SCLT1: variants seen among roughly 807,000 people sequenced by gnomAD.
The protein encoded by SCLT1 is sodium channel-associated protein 1.
SCLT1 carries 78 observed loss-of-function variants against 112.8 expected under a neutral mutation model. The observed-to-expected ratio is 0.69, with a 90% confidence interval of 0.58 to 0.83. The LOEUF is 0.83. SCLT1 is among the 40% of genes least tolerant of loss of function. The pLI is 0.00. For missense variants in SCLT1, 747 were observed against 770.4 expected (o/e 0.97, Z 0.36); for synonymous variants, 257 against 254.7 (o/e 1.01, Z -0.09).
chr4:129,057,050 T>C (rs1284829745), intron 2 of SCLT1, among the ~76,000 whole-genome samples: 2 of 152,210 alleles, frequency 1.3e-5, no homozygotes, highest in South Asian at 2.1e-4. Flanking sequence ...CAAGAAGATA[T>C]GTTGAATTTT....
At chr4:128,945,155 T>C (rs1738038054) in intron 16 of SCLT1, among the ~76,000 whole-genome samples, 1 of 152,180 alleles carries the variant, frequency 6.6e-6, no homozygotes, top group South Asian at 2.1e-4. Flanking sequence ...AAAATACTCA[T>C]AATGCAGAGA....
At chr4:129,082,756 A>G (rs1479975095) in intron 1 of SCLT1, among the ~76,000 whole-genome samples, 3 of 152,190 alleles carry the variant, frequency 2.0e-5, no homozygotes, top group African/African-American at 4.8e-5. Flanking sequence ...TATTTTTTAG[A>G]ATTCTTAAAA....
intron 9 of SCLT1, chr4:128,971,103 CAAT>C (rs1316487798): frequency 6.6e-6 from 1 of 151,954 alleles, no homozygotes; most frequent in African/African-American, 2.4e-5. Flanking sequence ...GATTTTAGAA[CAAT>C]AATATGACTT....
At chr4:129,035,004 T>TAATGTATCTCAAAGCCTTAAAATA (rs1394118668) in intron 5 of SCLT1, among the ~76,000 whole-genome samples, 1 of 152,180 alleles carries the variant, frequency 6.6e-6, no homozygotes, top group Non-Finnish European at 1.5e-5. Context: ...TAGTCATTTC[T>TAATGTATCTCAAAGCCTTAAAATA]GTCTATTTTA....
chr4:128,896,064 T>C (rs318514), intron 18 of SCLT1, among the ~76,000 whole-genome samples: 152,256 of 152,374 alleles, frequency 1, 76,069 homozygotes, highest in Middle Eastern at 1. Context: ...TGGAGCCCAC[T>C]GCAGCTCAAG....
chr4:128,881,108 A>T (rs1374764692), downstream of SCLT1, among the ~76,000 whole-genome samples: 2 of 152,180 alleles, frequency 1.3e-5, no homozygotes, highest in Non-Finnish European at 2.9e-5. Context: ...CATTGTCCCC[A>T]AAGCCATATA....
Position 128,992,172 on chromosome 4 carries a change from T to A in SCLT1, c.681A>T (p.Lys227Asn). The A allele has an allele frequency of 6.3e-7, 1 of 1,582,488 alleles. No individual in the cohort carries two copies. The highest frequency in any genetic ancestry group is 8.6e-7 in the Non-Finnish European group (1 of 1,157,734). The change falls in exon 9 of 21, where the codon AAA (lysine) becomes AAT (asparagine). Residue 227 changes from lysine to asparagine, a missense_variant. Coordinates refer to ENST00000281142, the MANE Select transcript of SCLT1 (RefSeq NM_144643.4). ...QSVIIEQLRK[K>N]LRQAKLELRV... The stretch of plus-strand genomic sequence containing the variant: ...AAACTCATTTTTGAAAATACCTAAG[T>A]TTTTTTCGGAGTTGTTCGATTATCA...
intron 13 of SCLT1, among the ~76,000 whole-genome samples, chr4:128,953,110 C>T (rs1033595050): frequency 6.6e-6 from 1 of 151,982 alleles, no homozygotes; most frequent in Non-Finnish European, 1.5e-5. Flanking sequence ...AGATCTTTTG[C>T]TTATAATGGG....
chr4:129,065,697 T>C (rs1245670859), intron 2 of SCLT1, among the ~76,000 whole-genome samples: 1 of 152,108 alleles, frequency 6.6e-6, no homozygotes, highest in Non-Finnish European at 1.5e-5. Flanking sequence ...ATTTATATAA[T>C]GTAATTTATT....
chr4:128,938,211 T>C (rs1218034103), intron 17 of SCLT1, among the ~76,000 whole-genome samples: 1 of 152,220 alleles, frequency 6.6e-6, no homozygotes, highest in East Asian at 1.9e-4. Flanking sequence ...GAGTAATTCA[T>C]TAAATACGGT....
chr4:129,087,779 GA>G lies in SCLT1; in HGVS notation c.34+5290del, dbSNP rs371456976. On this transcript the variant is annotated intron_variant, in intron 1 of 20. Transcript: ENST00000281142. ...TTAAAAAAAAAAAAAAAAAAAGGAA[GA>G]AAAAAAAAGAAAAGCAAAAAACCTT... Among the ~76,000 whole-genome samples the G allele has an allele frequency of 4.2e-4, 59 of 139,114 alleles. 1 individual carries two copies. Among genetic ancestry groups the G allele is most frequent in the African/African-American group, 1.0e-3 (39 of 38,016 alleles). 91.3% of individuals were successfully genotyped at this position (139,114 alleles called of 152,430 possible).
chr4:128,933,337 TCTTTA>T (rs969501256), intron 18 of SCLT1, among the ~76,000 whole-genome samples: 13 of 152,118 alleles, frequency 8.5e-5, no homozygotes, highest in Admixed American at 7.2e-4. Context: ...GACTTTTTTT[TCTTTA>T]CTTAAAACCA....
intron 18 of SCLT1, among the ~76,000 whole-genome samples, chr4:128,930,714 A>G (rs1266240352): frequency 2.6e-5 from 4 of 152,302 alleles, no homozygotes; most frequent in Admixed American, 6.5e-5. Flanking sequence ...ACGGTTAAAG[A>G]AGAAATCAAT....
intron 18 of SCLT1, among the ~76,000 whole-genome samples, chr4:128,893,557 T>G (rs1733488818): frequency 6.6e-6 from 1 of 152,180 alleles, no homozygotes; most frequent in Non-Finnish European, 1.5e-5. Flanking sequence ...CTCCATTTTT[T>G]TTTGAGATGG....
intron 18 of SCLT1, among the ~76,000 whole-genome samples, chr4:128,934,905 T>C (rs1169873242): frequency 6.6e-6 from 1 of 151,978 alleles, no homozygotes; most frequent in African/African-American, 2.4e-5. Flanking sequence ...AAGAATGTTA[T>C]TGACATTATT....
chr4:129,038,931 G>A (rs1299396376), intron 5 of SCLT1, 110 bp downstream of exon 5: 4 of 715,796 alleles, frequency 5.6e-6, no homozygotes, highest in East Asian at 2.8e-5. Context: ...AATCAGCCCC[G>A]GGGTCCACAT....
In SCLT1 at chr4:128,948,378, T is replaced by C. The variant is rs562055716; in HGVS notation, c.1293+118A>G. The C allele has an allele frequency of 4.0e-6, 4 of 1,002,512 alleles. No individual in the cohort carries two copies. The East Asian group carries it at 1.4e-4, about 36-fold the overall frequency. The allele number at this position is 1,002,512 out of a possible 1,614,324, so 62.1% of individuals were successfully genotyped here. On this transcript the variant is annotated intron_variant, in intron 15 of 20. Coordinates refer to ENST00000281142, the MANE Select transcript of SCLT1 (RefSeq NM_144643.4). ...AAAAAAAGAAAAGAAAAGAAAAACTTACCAGGACAATACTAACAAATAAAG... is the reference window on the plus strand; with the variant it reads ...AAAAAAAGAAAAGAAAAGAAAAACTCACCAGGACAATACTAACAAATAAAG...
chr4:129,020,376 A>T (rs1745358640), intron 5 of SCLT1, among the ~76,000 whole-genome samples: 1 of 152,208 alleles, frequency 6.6e-6, no homozygotes, highest in Admixed American at 6.5e-5. Flanking sequence ...TGGGGATAGC[A>T]TGCACTATTC....
chr4:129,048,286 G>A (rs1031320077), intron 2 of SCLT1, among the ~76,000 whole-genome samples: 6 of 152,040 alleles, frequency 3.9e-5, no homozygotes. Context: ...CAGAGATATA[G>A]ATCAATGGAA....
Sources: gnomAD v4.1 joint callset for allele counts (sites outside exome capture counted in the v4.1 genomes callset) on GRCh38, gnomAD v4.1.1 for gene constraint, MANE v1.5 for transcripts, NCBI Gene and HGNC (gene_info 2026-07-23, HGNC 2026-07-21) for gene names.